The following FAM168A variants were observed in gnomAD, a reference collection of about 807,000 sequenced individuals.
FAM168A encodes the protein protein FAM168A.
A neutral mutation model predicts 28.5 loss-of-function variants in FAM168A; 3 were observed. The ratio of observed to expected loss-of-function variants is 0.11; its 90% CI spans 0.05 to 0.27. The LOEUF is 0.27. Ranked by LOEUF, FAM168A falls within the 10% of genes least tolerant of loss-of-function variation. The probability of loss-of-function intolerance (pLI) is 1.00; values close to 1 mark genes in which losing one functional copy is unlikely to be tolerated. For synonymous variants in FAM168A, 122 were observed against 124.2 expected (o/e 0.98, Z 0.12); for missense variants, 222 against 311.5 (o/e 0.71, Z 2.16).
chr11:73,471,724 C>T (rs1305762156), intron 1 of FAM168A, among the ~76,000 whole-genome samples: 1 of 152,162 alleles, frequency 6.6e-6, no homozygotes. Context: ...CCATTTCTCT[C>T]ACATAGGCTG....
chr11:73,507,596 T>C (rs1298261344), intron 1 of FAM168A, among the ~76,000 whole-genome samples: 1 of 151,918 alleles, frequency 6.6e-6, no homozygotes, highest in Non-Finnish European at 1.5e-5. Context: ...AACAAACCTA[T>C]GTGTGTAATC....
At chr11:73,584,111 T>C (rs1944280551) in intron 1 of FAM168A, among the ~76,000 whole-genome samples, 1 of 152,152 alleles carries the variant, frequency 6.6e-6, no homozygotes, top group South Asian at 2.1e-4. Flanking sequence ...AGAAATACTG[T>C]ACCTCCTCAA....
intron 1 of FAM168A, among the ~76,000 whole-genome samples, chr11:73,528,560 T>C (rs1221372484): frequency 6.6e-6 from 1 of 152,212 alleles, no homozygotes; most frequent in African/African-American, 2.4e-5. Context: ...AGGAATGTCC[T>C]ATTCTGTCTA....
At chr11:73,537,643 G>A (rs1453244509) in intron 1 of FAM168A, among the ~76,000 whole-genome samples, 1 of 152,172 alleles carries the variant, frequency 6.6e-6, no homozygotes, top group East Asian at 1.9e-4. Context: ...GACTACCAGA[G>A]ACATTCTAAT....
intron 1 of FAM168A, among the ~76,000 whole-genome samples, chr11:73,491,302 C>G (rs1273655738): frequency 6.6e-6 from 1 of 152,138 alleles, no homozygotes; most frequent in Admixed American, 6.5e-5. Flanking sequence ...GGGAAGGAGA[C>G]TTAATGTTTG....
chr11:73,441,465 T>C (rs1028359329), intron 2 of FAM168A, among the ~76,000 whole-genome samples: 6 of 152,252 alleles, frequency 3.9e-5, no homozygotes, highest in Admixed American at 2.6e-4. Flanking sequence ...AAATGGGTTA[T>C]TGGTCTATCT....
chr11:73,502,915 A>G (rs948845112), intron 1 of FAM168A, among the ~76,000 whole-genome samples: 1 of 152,222 alleles, frequency 6.6e-6, no homozygotes, highest in African/African-American at 2.4e-5. Flanking sequence ...GATTATCTCA[A>G]TAGATGCAGA....
chr11:73,539,769 C>T (rs1394004368), intron 1 of FAM168A, among the ~76,000 whole-genome samples: 1 of 152,184 alleles, frequency 6.6e-6, no homozygotes, highest in Non-Finnish European at 1.5e-5. Flanking sequence ...ACAAATGTTA[C>T]CTAGAGATGA....
At chr11:73,523,864 A>T (rs200658927) in intron 1 of FAM168A, among the ~76,000 whole-genome samples, 7 of 145,202 alleles carry the variant, frequency 4.8e-5, no homozygotes, top group African/African-American at 5.1e-5. Context: ...CTTTTCCCCT[A>T]TTTTTTTTTT....
chr11:73,511,222 T>C (rs1855218806), intron 1 of FAM168A, among the ~76,000 whole-genome samples: 3 of 151,752 alleles, frequency 2.0e-5, no homozygotes, highest in Non-Finnish European at 2.9e-5. Flanking sequence ...TAAGCTCCAG[T>C]AGCACTGAAT....
chr11:73,484,584 C>CTATATCGATATA (rs1364442869), intron 1 of FAM168A, among the ~76,000 whole-genome samples: 5 of 65,518 alleles, frequency 7.6e-5, no homozygotes, highest in Non-Finnish European at 1.5e-4. Flanking sequence ...ATATCGATAT[C>CTATATCGATATA]TATCTATATA....
At chr11:73,484,630 ATC>A (rs1202886557) in intron 1 of FAM168A, among the ~76,000 whole-genome samples, 3 of 144,718 alleles carry the variant, frequency 2.1e-5, no homozygotes, top group Admixed American at 6.9e-5. Flanking sequence ...ATATATAGAT[ATC>A]TATATCGATA....
At chr11:73,530,191 C>A (rs923585313) in intron 1 of FAM168A, among the ~76,000 whole-genome samples, 1 of 152,044 alleles carries the variant, frequency 6.6e-6, no homozygotes, top group Non-Finnish European at 1.5e-5. Flanking sequence ...GTTCATGGTG[C>A]AATAAGGAAG....
intron 2 of FAM168A, among the ~76,000 whole-genome samples, chr11:73,452,646 C>T (rs901247427): frequency 2.6e-5 from 4 of 152,084 alleles, no homozygotes; most frequent in Admixed American, 6.6e-5. Context: ...CTTACCTTTT[C>T]TCTAGGGGTG....
intron 1 of FAM168A, among the ~76,000 whole-genome samples, chr11:73,562,129 G>C (rs1045511967): frequency 6.6e-6 from 1 of 152,204 alleles, no homozygotes; most frequent in Admixed American, 6.5e-5. Flanking sequence ...TTATAGTAGA[G>C]ATAGGGTTTC....
intron 1 of FAM168A, among the ~76,000 whole-genome samples, chr11:73,480,720 AAACAAC>A (rs143495376): frequency 6.7e-6 from 1 of 149,988 alleles, no homozygotes; most frequent in Non-Finnish European, 1.5e-5. Context: ...ACAAACAAAC[AAACAAC>A]AACAACAACA....
chr11:73,563,820 G>A (rs1943986515), intron 1 of FAM168A, among the ~76,000 whole-genome samples: 2 of 152,226 alleles, frequency 1.3e-5, no homozygotes, highest in Non-Finnish European at 2.9e-5. Flanking sequence ...CTTAAGTGCA[G>A]AAGAGAAATA....
At chr11:73,425,753 A>T (rs1268328499) in intron 3 of FAM168A, among the ~76,000 whole-genome samples, 1 of 152,112 alleles carries the variant, frequency 6.6e-6, no homozygotes, top group Non-Finnish European at 1.5e-5. Context: ...CCTGTTTTTT[A>T]AAATTTAATT....
chr11:73,490,429 A>G (rs1267685984), intron 1 of FAM168A, among the ~76,000 whole-genome samples: 1 of 152,208 alleles, frequency 6.6e-6, no homozygotes, highest in African/African-American at 2.4e-5. Flanking sequence ...TGGAAAAGCT[A>G]AGTCTTTACT....
Sources: gnomAD v4.1 joint callset for allele counts (sites outside exome capture counted in the v4.1 genomes callset) on GRCh38, gnomAD v4.1.1 for gene constraint, MANE v1.5 for transcripts, NCBI Gene and HGNC (gene_info 2026-07-23, HGNC 2026-07-21) for gene names.